TBL1X: variants seen among roughly 807,000 people sequenced by gnomAD.
The protein encoded by TBL1X is transducin beta like 1 X-linked, also known as F-box-like/WD repeat-containing protein TBL1X.
A neutral mutation model predicts 50.7 loss-of-function variants in TBL1X; 10 were observed. The observed-to-expected ratio is 0.20, with a 90% CI of 0.12 to 0.33. The LOEUF (loss-of-function observed/expected upper bound fraction) is 0.33, where lower values mean the gene tolerates loss of function less well. TBL1X is among the 10% of genes least tolerant of loss of function. The probability of loss-of-function intolerance (pLI) is 1.00; values close to 1 mark genes in which losing one functional copy is unlikely to be tolerated. For synonymous variants in TBL1X, 190 were observed against 214.7 expected (o/e 0.88, Z 1.01); for missense variants, 340 against 504.4 (o/e 0.67, Z 3.12).
At chrX:9,674,152 T>C (rs945989966) in intron 5 of TBL1X, among the ~76,000 whole-genome samples, 7 of 112,617 alleles carry the variant, frequency 6.2e-5, no homozygotes, top group Non-Finnish European at 1.1e-4. Context: ...ACATATATTT[T>C]TAATTTTTAA....
chrX:9,521,986 A>G (rs948764386), intron 2 of TBL1X, among the ~76,000 whole-genome samples: 10 of 109,714 alleles, frequency 9.1e-5, no homozygotes, highest in Non-Finnish European at 1.9e-4. Flanking sequence ...ATTCCTTTTA[A>G]ATATTTATTT....
intron 2 of TBL1X, among the ~76,000 whole-genome samples, chrX:9,541,634 G>A (rs1370161129): frequency 8.9e-6 from 1 of 112,802 alleles, no homozygotes; most frequent in Non-Finnish European, 1.9e-5. Context: ...TTCTGTTCTA[G>A]TGTTGGTAGT....
intron 1 of TBL1X, among the ~76,000 whole-genome samples, chrX:9,489,435 A>G (rs1569204959): frequency 8.9e-6 from 1 of 111,963 alleles, no homozygotes; most frequent in African/African-American, 3.2e-5. Flanking sequence ...AATGTTGCAT[A>G]ACAAACAGCC....
At chrX:9,543,739 G>A (rs2082227120) in intron 2 of TBL1X, among the ~76,000 whole-genome samples, 1 of 111,879 alleles carries the variant, frequency 8.9e-6, no homozygotes, top group African/African-American at 3.3e-5. Context: ...GCCAAGTATC[G>A]GGACAGGTGA....
intron 5 of TBL1X, among the ~76,000 whole-genome samples, chrX:9,676,484 G>A (rs769290221): frequency 8.9e-6 from 1 of 112,490 alleles, no homozygotes; most frequent in African/African-American, 3.2e-5. Context: ...CCTGGTCTGC[G>A]CTTGTCAGCG....
At chrX:9,474,267 A>G (rs1463701129) in intron 1 of TBL1X, among the ~76,000 whole-genome samples, 1 of 113,018 alleles carries the variant, frequency 8.8e-6, no homozygotes, top group Admixed American at 9.3e-5. Context: ...TTTTTTGCTG[A>G]AAAGGATATA....
intron 2 of TBL1X, among the ~76,000 whole-genome samples, chrX:9,514,432 G>A (rs1414262383): frequency 4.5e-5 from 5 of 111,379 alleles, no homozygotes; most frequent in Non-Finnish European, 9.4e-5. Context: ...CGTTGCCTGT[G>A]TTTGTTGCAG....
At chrX:9,547,097 C>T (rs1239174586) in intron 2 of TBL1X, among the ~76,000 whole-genome samples, 1 of 109,874 alleles carries the variant, frequency 9.1e-6, no homozygotes, top group Non-Finnish European at 1.9e-5. Context: ...GGATTACAGG[C>T]GTGGGCCACC....
rs143173993 is a variant in TBL1X, at chrX:9,602,103, T to G, written c.-130-38170T>G. ...TGTCCGCAAAAGGTCAAAGGCATAATTACAATATGATTTTGTTTCCATTTT... is the reference window on the plus strand; with the variant it reads ...TGTCCGCAAAAGGTCAAAGGCATAAGTACAATATGATTTTGTTTCCATTTT... On this transcript the variant is annotated intron_variant, in intron 2 of 17. Transcript: ENST00000645353. Among the ~76,000 whole-genome samples, 59 of 112,290 alleles carry G rather than the reference T, an allele frequency of 5.3e-4. 1 individual carries two copies. The East Asian group carries it at 0.013, about 25-fold the overall frequency.
chrX:9,508,008 A>G (rs1036683514), intron 2 of TBL1X, among the ~76,000 whole-genome samples: 1 of 112,559 alleles, frequency 8.9e-6, no homozygotes, highest in Non-Finnish European at 1.9e-5. Flanking sequence ...TAACCTAAGC[A>G]ATACCATTCA....
At chrX:9,684,211 C>T (rs770180867) in intron 6 of TBL1X, 23 bp downstream of exon 6, 2 of 1,210,303 alleles carry the variant, frequency 1.7e-6, no homozygotes, top group Non-Finnish European at 2.2e-6. Flanking sequence ...TGGGCCCGGC[C>T]CCCAAACAGC....
intron 2 of TBL1X, among the ~76,000 whole-genome samples, chrX:9,524,476 C>T (rs1317238160): frequency 8.9e-6 from 1 of 112,140 alleles, no homozygotes; most frequent in African/African-American, 3.2e-5. Flanking sequence ...TGGAATCCTA[C>T]ACTATGTGTC....
chrX:9,596,172 G>A (rs2082525670), intron 2 of TBL1X, among the ~76,000 whole-genome samples: 1 of 112,397 alleles, frequency 8.9e-6, no homozygotes, highest in African/African-American at 3.2e-5. Flanking sequence ...GGAGAATATT[G>A]CAGAGATGTG....
At chrX:9,689,197 C>T (rs2083082673) in intron 7 of TBL1X, among the ~76,000 whole-genome samples, 1 of 112,643 alleles carries the variant, frequency 8.9e-6, no homozygotes, top group Non-Finnish European at 1.9e-5. Context: ...AGCCATGCAG[C>T]CCAGCAGTCC....
At chrX:9,519,381 G>A (rs965511409) in intron 2 of TBL1X, among the ~76,000 whole-genome samples, 5 of 111,382 alleles carry the variant, frequency 4.5e-5, no homozygotes, top group Non-Finnish European at 9.4e-5. Flanking sequence ...AAAGCGCTTG[G>A]ATTATAGGTG....
intron 2 of TBL1X, among the ~76,000 whole-genome samples, chrX:9,506,124 A>G (rs1408017194): frequency 1.8e-5 from 2 of 112,614 alleles, no homozygotes. Flanking sequence ...GTGCAATCAC[A>G]TTAGAACTCA....
At chrX:9,702,933 C>T (rs1227175323) in intron 12 of TBL1X, among the ~76,000 whole-genome samples, 3 of 111,493 alleles carry the variant, frequency 2.7e-5, no homozygotes, top group Admixed American at 9.5e-5. Context: ...ATGGGAAGCG[C>T]AGGGTTACGA....
chrX:9,521,805 G>A (rs1265071033), intron 2 of TBL1X, among the ~76,000 whole-genome samples: 1 of 110,906 alleles, frequency 9.0e-6, no homozygotes, highest in Non-Finnish European at 1.9e-5. Context: ...ACTACAAAAA[G>A]CAAGCAACCA....
intron 2 of TBL1X, among the ~76,000 whole-genome samples, chrX:9,542,943 C>T (rs2082222570): frequency 9.0e-6 from 1 of 111,726 alleles, no homozygotes; most frequent in Admixed American, 9.4e-5. Context: ...AGTGCCAGCC[C>T]GTGGCCTGTC....
Sources: allele counts gnomAD v4.1 joint callset (sites outside exome capture counted in the v4.1 genomes callset), GRCh38; gene constraint gnomAD v4.1.1; transcripts MANE v1.5; gene names NCBI Gene and HGNC (gene_info 2026-07-23, HGNC 2026-07-21).